Variants in RABEP1 observed in about 807,000 individuals in gnomAD.
The protein encoded by RABEP1 is rab GTPase-binding effector protein 1.
A neutral mutation model predicts 123.4 loss-of-function variants in RABEP1; 51 were observed. The observed-to-expected ratio is 0.41, with a 90% confidence interval of 0.33 to 0.52. The LOEUF (loss-of-function observed/expected upper bound fraction) is 0.52. RABEP1 is among the 20% of genes least tolerant of loss of function. RABEP1 has a pLI of 0.16. For synonymous variants in RABEP1, 347 were observed against 355.2 expected, an observed-to-expected ratio of 0.98 and a Z score of 0.26; for missense variants, 888 against 996.3, an observed-to-expected ratio of 0.89 and a Z score of 1.46.
At chr17:5,323,875 TAGGA>T (rs1905701404) in intron 2 of RABEP1, among the ~76,000 whole-genome samples, 2 of 142,386 alleles carry the variant, frequency 1.4e-5, no homozygotes, top group African/African-American at 2.6e-5. Flanking sequence ...TATATATATC[TAGGA>T]ATCAATTTAA....
At chr17:5,297,302 T>G (rs549471288) in intron 1 of RABEP1, among the ~76,000 whole-genome samples, 80 of 152,312 alleles carry the variant, frequency 5.3e-4, no homozygotes, top group African/African-American at 1.9e-3. Flanking sequence ...CCTAACAGCA[T>G]AATGCCTTTA....
Position 5,381,270 on chromosome 17 carries a change from G to A in RABEP1, c.2371-119G>A, listed in dbSNP as rs1450558243. 12 of 1,414,150 alleles carry A rather than the reference G, an allele frequency of 8.5e-6. No homozygotes were observed. In the East Asian group the frequency reaches 2.5e-4, roughly 30 times the overall value. The allele number at this position is 1,414,150 out of a possible 1,614,324, so 87.6% of individuals were successfully genotyped here. On this transcript the variant is annotated intron_variant, in intron 16 of 17. Coordinates refer to ENST00000537505, the MANE Select transcript of RABEP1 (RefSeq NM_004703.6). Reference sequence around the variant, plus strand: ...AGATAAAGAGATTGGTCGTGTATAGGAGTGCGACGGATATCCACCCACCTT... The same window carrying A: ...AGATAAAGAGATTGGTCGTGTATAGAAGTGCGACGGATATCCACCCACCTT...
intron 17 of RABEP1, 82 bp downstream of exon 17, chr17:5,381,587 G>A: frequency 6.6e-7 from 1 of 1,517,100 alleles, no homozygotes; most frequent in Non-Finnish European, 8.8e-7. Flanking sequence ...CTTGACCACT[G>A]GCAGTAGCTA....
intron 3 of RABEP1, among the ~76,000 whole-genome samples, chr17:5,334,726 C>T (rs1247677606): frequency 6.6e-6 from 1 of 152,156 alleles, no homozygotes; most frequent in African/African-American, 2.4e-5. Flanking sequence ...TAGAGTTTGC[C>T]TCAACTTACA....
Position 5,299,719 on chromosome 17 carries a change from C to CTTTTCTTT in RABEP1, c.35-8971_35-8970insCTTTTTTT, listed in dbSNP as rs2075116264. On this transcript the variant is annotated intron_variant, in intron 1 of 17. Coordinates refer to ENST00000537505, the MANE Select transcript of RABEP1 (RefSeq NM_004703.6). The stretch of plus-strand genomic sequence containing the variant: ...TCATTTCTTTTTCTTTTTTTCTTTT[C>CTTTTCTTT]TTTTTCTTTTTCTTTTTTTTTTTTT... Among the ~76,000 whole-genome samples, 74 of 98,838 alleles carry CTTTTCTTT rather than the reference C, an allele frequency of 7.5e-4. 3 individuals carry two copies. The highest frequency in any genetic ancestry group is 4.1e-3 in the East Asian group (8 of 1,936). The allele number at this position is 98,838 out of a possible 152,430, so 64.8% of individuals were successfully genotyped here.
intron 1 of RABEP1, among the ~76,000 whole-genome samples, chr17:5,298,254 G>A (rs1411279493): frequency 6.6e-6 from 1 of 152,140 alleles, no homozygotes; most frequent in Non-Finnish European, 1.5e-5. Context: ...CCCAAGTGTA[G>A]GGAGATAAGG....
rs1041174233 is a variant in RABEP1, at chr17:5,326,719, G to A, written c.164-5230G>A. Among the ~76,000 whole-genome samples the A allele has an allele frequency of 7.9e-5, 12 of 152,252 alleles. No homozygotes were observed. The East Asian group carries it at 2.1e-3, about 27-fold the overall frequency. On this transcript the variant is annotated intron_variant, in intron 2 of 17. Coordinates refer to ENST00000537505, the MANE Select transcript of RABEP1 (RefSeq NM_004703.6). ...TACAGGGTGCCTGTAGTAGAGGAGT[G>A]TGGATGTACAGGGGTGTGGGGCATA...
At chr17:5,334,139 T>C (rs1428539212) in intron 3 of RABEP1, among the ~76,000 whole-genome samples, 1 of 150,266 alleles carries the variant, frequency 6.7e-6, no homozygotes, top group Non-Finnish European at 1.5e-5. Context: ...GTTCAGGCAA[T>C]TTTCGTGCCT....
chr17:5,382,969 A>C (rs1424482251), intron 17 of RABEP1, among the ~76,000 whole-genome samples, 153 bp from the exon 18 acceptor site: 2 of 151,886 alleles, frequency 1.3e-5, no homozygotes, highest in Admixed American at 6.6e-5. Context: ...AGCTTTGGGG[A>C]ATTATTTTTA....
rs368890873 is a variant in RABEP1 at position 5,381,433 on chromosome 17, G to A, written c.2415G>A (p.Gln805=). The A allele has an allele frequency of 4.3e-5, 69 of 1,613,542 alleles. No individual in the cohort carries two copies. Among genetic ancestry groups the A allele is most frequent in the Non-Finnish European group, 5.4e-5 (64 of 1,179,750 alleles). ...QLMFEEKNKA[Q]RLQTELDVSE... is the part of the protein sequence containing the mutation. ...TGTTTGAAGAGAAGAATAAAGCTCA[G>A]AGATTACAGACAGAATTAGATGTCA... The change falls in exon 17 of 18, where the codon CAG becomes CAA. Residue 805 remains glutamine, a synonymous_variant. Transcript: ENST00000537505.
chr17:5,326,445 G>A (rs926509795), intron 2 of RABEP1, among the ~76,000 whole-genome samples: 1 of 152,146 alleles, frequency 6.6e-6, no homozygotes, highest in Non-Finnish European at 1.5e-5. Flanking sequence ...AAGCAAAACT[G>A]TGGAAACAAA....
chr17:5,299,748 GGA>G (rs2075119448), intron 1 of RABEP1, among the ~76,000 whole-genome samples: 3 of 101,356 alleles, frequency 3.0e-5, no homozygotes, highest in Non-Finnish European at 3.5e-5. Flanking sequence ...TTTTTTTTTT[GGA>G]GGCAGAGTCT....
Position 5,350,565 on chromosome 17 carries a change from G to T in RABEP1, c.899G>T (p.Arg300Leu). Residue 300 changes from arginine to leucine, a missense_variant, in exon 7 of 18, where the codon CGA becomes CTA. By Grantham distance (102) the Arg-to-Leu change is moderately radical. Coordinates refer to ENST00000537505, the MANE Select transcript of RABEP1 (RefSeq NM_004703.6). ...CGTTTACTGATGAGAGACATGCAGC[G>T]AATGGAGATTGTGCTAACTTCAGAA... ...SQRLLMRDMQRMEIVLTSEQL... is the reference protein window; with the variant it reads ...SQRLLMRDMQLMEIVLTSEQL... 2 of 1,614,116 alleles carry T rather than the reference G, an allele frequency of 1.2e-6. No individual in the cohort carries two copies. Among genetic ancestry groups the T allele is most frequent in the South Asian group, 2.2e-5 (2 of 91,076 alleles).
chr17:5,382,072 TG>T (rs1184737850), intron 17 of RABEP1, among the ~76,000 whole-genome samples: 2 of 142,068 alleles, frequency 1.4e-5, no homozygotes, highest in African/African-American at 5.3e-5. Context: ...TTTTTCCCAA[TG>T]GAACTTCGGA....
In RABEP1 at chr17:5,346,861, T is replaced by C; in HGVS notation, c.720T>C (p.Val240=). 1 of 1,610,260 alleles carries C rather than the reference T, an allele frequency of 6.2e-7. No homozygotes were observed. Among genetic ancestry groups the C allele is most frequent in the East Asian group, 2.2e-5 (1 of 44,696 alleles). ...CTGATCTAGAGATGTATGTAGCTGTTTTGAATACTCAGAAATCTGTTCTAC... is the reference window on the plus strand; with the variant it reads ...CTGATCTAGAGATGTATGTAGCTGTCTTGAATACTCAGAAATCTGTTCTAC... The part of the protein sequence containing the change: ...CRTDLEMYVA[V]LNTQKSVLQE... Residue 240 remains valine, a synonymous_variant, in exon 6 of 18, where the codon GTT becomes GTC. Coordinates refer to ENST00000537505, the MANE Select transcript of RABEP1 (RefSeq NM_004703.6).
intron 5 of RABEP1, among the ~76,000 whole-genome samples, chr17:5,339,644 A>G (rs1907405243): frequency 6.9e-6 from 1 of 145,308 alleles, no homozygotes; most frequent in East Asian, 2.1e-4. Flanking sequence ...CTAAAAATAC[A>G]AAAATTAGCC....
intron 1 of RABEP1, among the ~76,000 whole-genome samples, chr17:5,289,549 G>T (rs559211039): frequency 1.3e-5 from 2 of 149,830 alleles, no homozygotes; most frequent in African/African-American, 4.9e-5. Flanking sequence ...TTTATATTTT[G>T]TAGTCCAATC....
intron 12 of RABEP1, among the ~76,000 whole-genome samples, chr17:5,370,509 A>G (rs1434568064): frequency 6.6e-6 from 1 of 152,096 alleles, no homozygotes; most frequent in Non-Finnish European, 1.5e-5. Context: ...CGCTTTAGTC[A>G]CTTTTCATCT....
intron 11 of RABEP1, 64 bp from the exon 12 acceptor site, chr17:5,368,306 G>T: frequency 1.8e-6 from 2 of 1,109,022 alleles, no homozygotes; most frequent in Non-Finnish European, 2.7e-6. Context: ...GTTAGAAGAT[G>T]GAAGAGTTAG....
Sources: allele counts gnomAD v4.1 joint callset (sites outside exome capture counted in the v4.1 genomes callset), GRCh38; gene constraint gnomAD v4.1.1; transcripts MANE v1.5; gene names NCBI Gene and HGNC (gene_info 2026-07-23, HGNC 2026-07-21).